PDE8B: variants seen among roughly 807,000 people sequenced by gnomAD.
PDE8B encodes the protein phosphodiesterase 8B.
In PDE8B, 26 loss-of-function variants were observed where a neutral mutation model predicts 101.3. The observed-to-expected ratio is 0.26, with a 90% CI of 0.19 to 0.36. PDE8B has a LOEUF of 0.36. Among genes scored for constraint, PDE8B ranks in the 10% least tolerant of loss-of-function variants. The pLI is 1.00. For synonymous variants in PDE8B, 424 were observed against 429.3 expected, an observed-to-expected ratio of 0.99 and a Z score of 0.15; for missense variants, 810 against 1,163.1, an observed-to-expected ratio of 0.70 and a Z score of 4.42.
intron 2 of PDE8B, among the ~76,000 whole-genome samples, chr5:77,320,571 C>T (rs1774822903): frequency 6.6e-6 from 1 of 152,128 alleles, no homozygotes; most frequent in Non-Finnish European, 1.5e-5. Context: ...TATCTGCTTC[C>T]TTGACTGGAG....
intron 1 of PDE8B, among the ~76,000 whole-genome samples, chr5:77,225,733 G>A (rs1446020168): frequency 6.6e-6 from 1 of 151,970 alleles, no homozygotes; most frequent in Non-Finnish European, 1.5e-5. Flanking sequence ...AGGACTACAA[G>A]CCTTTTCTTC....
At chr5:77,252,696 T>C (rs1268343790) in intron 1 of PDE8B, among the ~76,000 whole-genome samples, 1 of 151,646 alleles carries the variant, frequency 6.6e-6, no homozygotes, top group Non-Finnish European at 1.5e-5. Flanking sequence ...CTATATTTAT[T>C]TGATTTGGAA....
At chr5:77,392,022 A>G (rs1790048533) in intron 10 of PDE8B, among the ~76,000 whole-genome samples, 1 of 152,222 alleles carries the variant, frequency 6.6e-6, no homozygotes, top group African/African-American at 2.4e-5. Flanking sequence ...AACATGAAAC[A>G]TGGGAAATAA....
In PDE8B at chr5:77,329,051, C is replaced by T. The variant is rs750904456; in HGVS notation, c.644C>T (p.Ser215Leu). ...SEHTVILAVV[S>L]RVSDDHEEAS... ...CACACGGTGATCCTCGCAGTGGTTT[C>T]GCGAGTGTAAGTGCACCTCCCATTC... The change falls in exon 4 of 22, where the codon TCG becomes TTG. Residue 215 changes from serine to leucine, a missense_variant. Physicochemically the swap from Ser to Leu is moderately radical, Grantham distance 145 (BLOSUM62 -2). Around this residue, in one of 4 missense-constraint regions of PDE8B, gnomAD observed 251 missense variants for 378.8 expected, o/e 0.66. Transcript: ENST00000264917. The T allele has an allele frequency of 4.3e-6, 7 of 1,613,088 alleles. No individual in the cohort carries two copies. Among genetic ancestry groups the T allele is most frequent in the East Asian group, 2.2e-5 (1 of 44,876 alleles).
the PDE8B span, among the ~76,000 whole-genome samples, chr5:77,161,180 T>C: frequency 2.0e-5 from 3 of 152,338 alleles, no homozygotes; most frequent in South Asian, 2.1e-4. Flanking sequence ...AAGGAAGATA[T>C]AGAATATTTC....
At chr5:77,202,464 A>C in the PDE8B span, among the ~76,000 whole-genome samples, 1 of 152,198 alleles carries the variant, frequency 6.6e-6, no homozygotes, top group Non-Finnish European at 1.5e-5. Context: ...TTTTCACTTA[A>C]TGAATAGTAA....
At chr5:77,406,238 C>T (rs1162320970) in intron 12 of PDE8B, among the ~76,000 whole-genome samples, 3 of 151,954 alleles carry the variant, frequency 2.0e-5, no homozygotes, top group Admixed American at 6.6e-5. Context: ...TGAGCTAGAT[C>T]GTGCCTCCAG....
the PDE8B span, chr5:77,131,026 G>A: frequency 6.6e-6 from 1 of 152,328 alleles, no homozygotes; most frequent in South Asian, 2.1e-4. Flanking sequence ...TCTTTGAGGG[G>A]TTGGGCTTAG....
chr5:77,240,448 C>A (rs988517015), intron 1 of PDE8B, among the ~76,000 whole-genome samples: 6 of 152,328 alleles, frequency 3.9e-5, no homozygotes, highest in Non-Finnish European at 7.3e-5. Flanking sequence ...CCACCGCGCC[C>A]GGCCAAGGGC....
At chr5:77,118,973 A>T in the PDE8B span, 1 of 152,212 alleles carries the variant, frequency 6.6e-6, no homozygotes, top group East Asian at 1.9e-4. Flanking sequence ...TTGCAAAATG[A>T]TACTAGGGAT....
the PDE8B span, among the ~76,000 whole-genome samples, chr5:77,129,450 C>G: frequency 2.6e-5 from 4 of 152,066 alleles, no homozygotes; most frequent in African/African-American, 7.2e-5. Context: ...AATGGTTTTT[C>G]TCGTCATTCC....
chr5:77,402,817 G>T (rs1792575410), intron 11 of PDE8B, among the ~76,000 whole-genome samples: 1 of 152,214 alleles, frequency 6.6e-6, no homozygotes, highest in Admixed American at 6.5e-5. Context: ...AGATTACACA[G>T]CTGCTGAGTG....
At chr5:77,289,229 G>A (rs1431215696) in intron 1 of PDE8B, among the ~76,000 whole-genome samples, 1 of 152,148 alleles carries the variant, frequency 6.6e-6, no homozygotes, top group Non-Finnish European at 1.5e-5. Flanking sequence ...ATAAAATAAG[G>A]CATTTGAGAT....
chr5:77,258,011 G>A (rs1261955714), intron 1 of PDE8B, among the ~76,000 whole-genome samples: 2 of 151,100 alleles, frequency 1.3e-5, no homozygotes, highest in Admixed American at 6.6e-5. Context: ...CAGAGCAGCC[G>A]GGTGCAGTGG....
chr5:77,232,778 A>C (rs1753834152), intron 1 of PDE8B, among the ~76,000 whole-genome samples: 1 of 152,198 alleles, frequency 6.6e-6, no homozygotes, highest in South Asian at 2.1e-4. Flanking sequence ...CAGCAGGTTG[A>C]ACTTTTTTTG....
chr5:77,167,665 A>G, the PDE8B span, among the ~76,000 whole-genome samples: 8 of 152,200 alleles, frequency 5.3e-5, no homozygotes, highest in Non-Finnish European at 1.5e-5. Flanking sequence ...ATGTATGCTC[A>G]GGAAGTCTGG....
At chr5:77,225,872 ACACACACACCCCACG>A (rs1475903534) in intron 1 of PDE8B, among the ~76,000 whole-genome samples, 222 of 144,240 alleles carry the variant, frequency 1.5e-3, no homozygotes, top group African/African-American at 3.6e-3. Flanking sequence ...ACACACACAC[ACACACACACCCCACG>A]CACACATCTC....
intron 20 of PDE8B, among the ~76,000 whole-genome samples, chr5:77,424,191 A>G (rs947979390): frequency 6.6e-6 from 1 of 152,192 alleles, no homozygotes; most frequent in Non-Finnish European, 1.5e-5. Context: ...CCAAGCCAAA[A>G]GCTGCTCATC....
At chr5:77,258,864 T>C (rs1004984784) in intron 1 of PDE8B, among the ~76,000 whole-genome samples, 32 of 151,932 alleles carry the variant, frequency 2.1e-4, no homozygotes, top group Admixed American at 9.8e-4. Context: ...TCCCTGGCTT[T>C]TCCTCCTCCT....
Sources: allele counts gnomAD v4.1 joint callset (sites outside exome capture counted in the v4.1 genomes callset), GRCh38; gene constraint gnomAD v4.1.1; regional missense constraint gnomAD v4.1.1; transcripts MANE v1.5; gene names NCBI Gene and HGNC (gene_info 2026-07-23, HGNC 2026-07-21).